Variants in PLA2G4C observed in about 807,000 individuals in gnomAD.
The protein encoded by PLA2G4C is phospholipase A2 group IVC.
In PLA2G4C, 64 loss-of-function variants were observed where a neutral mutation model predicts 73.8. That is an observed-to-expected ratio of 0.87 (90% CI 0.71 to 1.07). PLA2G4C has a LOEUF of 1.07. Among genes scored for constraint, PLA2G4C ranks in the 50% least tolerant of loss-of-function variants. The pLI is 0.00. For missense variants in PLA2G4C, 622 were observed against 665.4 expected (o/e 0.93, Z 0.72); for synonymous variants, 254 against 252.1 (o/e 1.01, Z -0.07).
chr19:48,051,102 C>T (rs1443479069), intron 16 of PLA2G4C, among the ~76,000 whole-genome samples: 1 of 152,086 alleles, frequency 6.6e-6, no homozygotes, highest in Admixed American at 6.6e-5. Flanking sequence ...CTTATAAGAG[C>T]AAGGCGGGAG....
chr19:48,086,379 G>A (rs945251758), intron 9 of PLA2G4C, among the ~76,000 whole-genome samples: 10 of 152,114 alleles, frequency 6.6e-5, no homozygotes, highest in Admixed American at 2.0e-4. Context: ...CTGTGCAGCA[G>A]AGGCAGAAAC....
In PLA2G4C at chr19:48,072,322, A is replaced by G. The variant is rs530551607; in HGVS notation, c.1006+2445T>C. On this transcript the variant is annotated intron_variant, in intron 12 of 16. Transcript: ENST00000599921. The surrounding 1 kb of genome is among the most constrained non-coding windows in gnomAD (Gnocchi z 4.4). ...TCAGCCTCCCCGAATAGCTGGGACT[A>G]CAGGTGCACGCACCACCATGGCCGG... 9 of 152,368 alleles carry G rather than the reference A, an allele frequency of 5.9e-5. No homozygotes were observed. The highest frequency in any genetic ancestry group is 2.1e-4 in the South Asian group (1 of 4,820). 9.4% of individuals were successfully genotyped at this position (152,368 alleles called of 1,614,324 possible).
At chr19:48,059,544 G>C (rs1305007483) in intron 14 of PLA2G4C, among the ~76,000 whole-genome samples, 1 of 152,112 alleles carries the variant, frequency 6.6e-6, no homozygotes, top group Non-Finnish European at 1.5e-5. Flanking sequence ...CCTCCAATTG[G>C]CTGCCAGTGT....
chr19:48,048,172 A>G lies in PLA2G4C; in HGVS notation c.*171T>C. ...TGGACGCCTTCTTCTGAATGACGCT[A>G]TCAAAATCACAGTCTAGCTGGTCAC... On this transcript the variant is annotated 3_prime_UTR_variant, in exon 17 of 17. Coordinates refer to ENST00000599921, the MANE Select transcript of PLA2G4C (RefSeq NM_003706.3). The G allele has an allele frequency of 1.7e-6, 1 of 578,130 alleles. No individual in the cohort carries two copies. Among genetic ancestry groups the G allele is most frequent in the East Asian group, 3.4e-5 (1 of 29,282 alleles). The allele number at this position is 578,130 out of a possible 1,614,324, so 35.8% of individuals were successfully genotyped here.
chr19:48,080,979 C>T (rs1438193705), intron 10 of PLA2G4C, among the ~76,000 whole-genome samples: 1 of 120,638 alleles, frequency 8.3e-6, no homozygotes, highest in Admixed American at 9.9e-5. Flanking sequence ...TAACACCGGT[C>T]TCTACTAAAA....
At chr19:48,098,345 TA>T in intron 5 of PLA2G4C, 86 bp from the exon 6 acceptor site, 1 of 1,289,646 alleles carries the variant, frequency 7.8e-7, no homozygotes, top group Non-Finnish European at 1.1e-6. Context: ...CATTTTTTTT[TA>T]GAGGGGTCTC....
intron 14 of PLA2G4C, chr19:48,061,472 A>T (rs575214991): frequency 6.3e-4 from 99 of 158,030 alleles, no homozygotes; most frequent in African/African-American, 2.2e-3. Flanking sequence ...ATCAGGCCAC[A>T]CAGCTGGTAA....
chr19:48,086,248 C>T (rs1264001084), intron 9 of PLA2G4C, among the ~76,000 whole-genome samples: 1 of 152,162 alleles, frequency 6.6e-6, no homozygotes, highest in Non-Finnish European at 1.5e-5. Context: ...CACAGGCTGC[C>T]TGGAACTTAG....
chr19:48,099,976 C>T, intron 4 of PLA2G4C, 116 bp from the exon 5 acceptor site: 1 of 632,098 alleles, frequency 1.6e-6, no homozygotes, highest in Admixed American at 2.8e-5. Flanking sequence ...GAGAGGGCGA[C>T]ACACAGAGGA....
chr19:48,080,597 T>G (rs1426063658), intron 10 of PLA2G4C, among the ~76,000 whole-genome samples: 1 of 151,186 alleles, frequency 6.6e-6, no homozygotes. Context: ...TCACTCGAGG[T>G]CAGGCGTTCA....
chr19:48,092,090 CCCAGG>C (rs2031342086), intron 7 of PLA2G4C, among the ~76,000 whole-genome samples: 2 of 151,630 alleles, frequency 1.3e-5, no homozygotes, highest in African/African-American at 4.8e-5. Context: ...TTTGAGATAG[CCCAGG>C]CTGGAGCGCA....
At position 48,057,476 on chromosome 19, in the gene PLA2G4C, TC is replaced by T. The variant is rs1265292692; in HGVS notation, c.1258-2428del. Among the ~76,000 whole-genome samples, 65 of 52,684 alleles carry T rather than the reference TC, an allele frequency of 1.2e-3. No homozygotes were observed. In the South Asian group the frequency reaches 0.018, roughly 14 times the overall value. The allele number at this position is 52,684 out of a possible 152,430, so 34.6% of individuals were successfully genotyped here. A position where few individuals can be genotyped will look rare whatever the true frequency, so the allele number is the denominator to read the frequency against. ...AAGTGTTTCTTCTTCTTCTTCTTCT[TC>T]TTCTTCTTTTTTTTTTTTTTTTTTT... On this transcript the variant is annotated intron_variant, in intron 14 of 16. Transcript: ENST00000599921.
intron 16 of PLA2G4C, among the ~76,000 whole-genome samples, chr19:48,050,236 A>T (rs1161855064): frequency 6.6e-6 from 1 of 152,024 alleles, no homozygotes; most frequent in African/African-American, 2.4e-5. Context: ...GTACTTTTTA[A>T]TGGCAGCCCC....
At chr19:48,066,087 C>CAA (rs199744302) in intron 13 of PLA2G4C, among the ~76,000 whole-genome samples, 13 of 111,822 alleles carry the variant, frequency 1.2e-4, no homozygotes, top group African/African-American at 1.9e-4. Context: ...AACTCCATCT[C>CAA]AAAAAAAAAA....
At chr19:48,079,240 T>A (rs2030379949) in intron 10 of PLA2G4C, among the ~76,000 whole-genome samples, 1 of 152,000 alleles carries the variant, frequency 6.6e-6, no homozygotes, top group African/African-American at 2.4e-5. Flanking sequence ...AAAGAACAAA[T>A]CTGGAGGCAT....
At position 48,110,471 on chromosome 19, in the gene PLA2G4C, T is replaced by A. The variant is rs1346834536; in HGVS notation, c.-33+16A>T. On this transcript the variant is annotated intron_variant, in intron 1 of 16. Coordinates refer to ENST00000599921, the MANE Select transcript of PLA2G4C (RefSeq NM_003706.3). ...CCCAGCGGGATGAAACAGCCCTCCCTGCCCCCACGGCTTGCCTGAGCCTGG... is the reference window on the plus strand; with the variant it reads ...CCCAGCGGGATGAAACAGCCCTCCCAGCCCCCACGGCTTGCCTGAGCCTGG... 1.4e-6 allele frequency: 2 copies of A among 1,470,376 alleles called. No homozygotes were observed. The highest frequency in any genetic ancestry group is 2.1e-5 in the Admixed American group (1 of 46,998). The allele number at this position is 1,470,376 out of a possible 1,614,324, so 91.1% of individuals were successfully genotyped here. A position where few individuals can be genotyped will look rare whatever the true frequency, so the allele number is the denominator to read the frequency against.
chr19:48,099,858 G>T lies in PLA2G4C; in HGVS notation c.260C>A (p.Ala87Glu), dbSNP rs766909695. The T allele has an allele frequency of 7.5e-5, 121 of 1,608,830 alleles. No individual in the cohort carries two copies. Among genetic ancestry groups the T allele is most frequent in the Non-Finnish European group, 9.1e-5 (107 of 1,175,948 alleles). Reference sequence around the variant, plus strand: ...ATCATTGGTGTAGAGAGAAGATATTGCCCTGGAGGACAGAGGAAGAGAGTG... The same window carrying T: ...ATCATTGGTGTAGAGAGAAGATATTTCCCTGGAGGACAGAGGAAGAGAGTG... ...YLAGVSGSTW[A>E]ISSLYTNDGD... The change falls in exon 5 of 17, where the codon GCA (alanine) becomes GAA (glutamate). Residue 87 changes from alanine (A) to glutamate (E), a missense_variant and splice_region_variant. By Grantham distance (107) the Ala-to-Glu change is moderately radical. Transcript: ENST00000599921.
At chr19:48,057,447 C>CAACA (rs1314455989) in intron 14 of PLA2G4C, among the ~76,000 whole-genome samples, 1 of 128,338 alleles carries the variant, frequency 7.8e-6, no homozygotes, top group Non-Finnish European at 1.7e-5. Flanking sequence ...GATGCAGTCT[C>CAACA]AACAAGTGTT....
Position 48,104,624 on chromosome 19 carries a change from G to T in PLA2G4C, c.221C>A (p.Ala74Asp), listed in dbSNP as rs749857647. 20 of 1,613,940 alleles carry T rather than the reference G, an allele frequency of 1.2e-5. No individual in the cohort carries two copies. The highest frequency in any genetic ancestry group is 1.6e-5 in the Non-Finnish European group (19 of 1,179,960). Residue 74 changes from alanine (A) to aspartate (D), a missense_variant, in exon 4 of 17, where the codon GCC becomes GAC. Ala to Asp is a moderately radical substitution (Grantham distance 126). Transcript: ENST00000599921. ...SEMKEQGLLD[A>D]VTYLAGVSGS... Reference sequence around the variant, plus strand: ...AGAGACCCCTGCGAGGTACGTGACGGCATCCAACAGGCCCTGTTCTTTCAT... The same window carrying T: ...AGAGACCCCTGCGAGGTACGTGACGTCATCCAACAGGCCCTGTTCTTTCAT...
Sources: allele counts gnomAD v4.1 joint callset (sites outside exome capture counted in the v4.1 genomes callset), GRCh38; gene constraint gnomAD v4.1.1; non-coding constraint Gnocchi (gnomAD v3.1); transcripts MANE v1.5; gene names NCBI Gene and HGNC (gene_info 2026-07-23, HGNC 2026-07-21).